HNRNPA3: variants seen among roughly 807,000 people sequenced by gnomAD.
HNRNPA3 encodes the protein heterogeneous nuclear ribonucleoprotein A3, also known as epididymis secretory sperm binding protein.
In HNRNPA3, 3 loss-of-function variants were observed where a neutral mutation model predicts 45.8. The observed-to-expected ratio is 0.07, with a 90% CI of 0.03 to 0.17. HNRNPA3 has a LOEUF of 0.17. HNRNPA3 is among the 10% of genes least tolerant of loss of function. HNRNPA3 has a pLI of 1.00. For missense variants in HNRNPA3, 183 were observed against 480.3 expected (o/e 0.38, Z 5.79); for synonymous variants, 170 against 155.6 (o/e 1.09, Z -0.69).
At chr2:177,217,010 CTTTTCT>C in intron 7 of HNRNPA3, 70 bp downstream of exon 7, 2 of 1,349,204 alleles carry the variant, frequency 1.5e-6, no homozygotes, top group Non-Finnish European at 9.9e-7. Context: ...ATTTATTACA[CTTTTCT>C]AATTTTAGTT....
chr2:177,220,120 T>C (rs1203447302), downstream of HNRNPA3: 1 of 152,646 alleles, frequency 6.6e-6, no homozygotes, highest in African/African-American at 2.4e-5. Context: ...TGAAAAAAAA[T>C]CTCAAAATTT....
intron 1 of HNRNPA3, among the ~76,000 whole-genome samples, chr2:177,214,549 A>T (rs1277330575): frequency 6.6e-6 from 1 of 152,216 alleles, no homozygotes; most frequent in African/African-American, 2.4e-5. Context: ...TAATTCTAGC[A>T]CTTTGGGAGG....
intron 1 of HNRNPA3, among the ~76,000 whole-genome samples, chr2:177,215,020 G>T (rs1428414627): frequency 1.3e-5 from 2 of 152,182 alleles, no homozygotes; most frequent in African/African-American, 4.8e-5. Flanking sequence ...AGTGATGCTG[G>T]CATTTGAAAG....
chr2:177,216,470 CTTT>C (rs752044239), intron 4 of HNRNPA3, 30 bp from the exon 5 acceptor site: 4 of 1,500,926 alleles, frequency 2.7e-6, no homozygotes, highest in South Asian at 1.1e-5. Flanking sequence ...CATAAAATAA[CTTT>C]TTGTTTTGTT....
At chr2:177,218,913 G>C in intron 8 of HNRNPA3, 124 bp from the exon 9 acceptor site, 1 of 1,158,964 alleles carries the variant, frequency 8.6e-7, no homozygotes, top group South Asian at 1.6e-5. Context: ...ACCCCAAGTG[G>C]TGCTACCACA....
chr2:177,215,148 G>GC (rs1041023768), intron 1 of HNRNPA3, among the ~76,000 whole-genome samples: 2 of 152,080 alleles, frequency 1.3e-5, no homozygotes, highest in Non-Finnish European at 2.9e-5. Context: ...TATGGCCCAG[G>GC]CTGGAGTGTA....
chr2:177,214,731 G>C lies in HNRNPA3; in HGVS notation c.73-808G>C, dbSNP rs1406578895. ...AATGGCGTGAACCCGGGAGGCGGAG[G>C]TTGCAGTGAGCCGAGATCGCGCCAC... On this transcript the variant is annotated intron_variant, in intron 1 of 10. Transcript: ENST00000392524. 3.3e-5 allele frequency among the ~76,000 whole-genome samples: 5 copies of C among 152,192 alleles called. 1 individual carries two copies. In the East Asian group the frequency reaches 9.6e-4, roughly 29 times the overall value.
chr2:177,215,732 A>G lies in HNRNPA3; in HGVS notation c.196-18A>G, dbSNP rs1358568299. ...CGGTGGAGGTGTTTTCAACGTTATA[A>G]AACTTTTTATTTTGTAGGTAATGAG... On this transcript the variant is annotated intron_variant, in intron 2 of 10. Coordinates refer to ENST00000392524, the Ensembl canonical transcript of HNRNPA3. The G allele has an allele frequency of 1.2e-6, 2 of 1,610,838 alleles. No homozygotes were observed. Among genetic ancestry groups the G allele is most frequent in the Admixed American group, 1.7e-5 (1 of 59,154 alleles).
chr2:177,218,052 C>CTTTTTTTTTTTTTTTT lies in HNRNPA3; in HGVS notation c.961+219_961+234dup, dbSNP rs58476089. 3.4e-4 allele frequency among the ~76,000 whole-genome samples: 35 copies of CTTTTTTTTTTTTTTTT among 102,172 alleles called. 2 individuals are homozygous for CTTTTTTTTTTTTTTTT. Among genetic ancestry groups the CTTTTTTTTTTTTTTTT allele is most frequent in the African/African-American group, 1.3e-3 (32 of 25,044 alleles). 67.0% of individuals were successfully genotyped at this position (102,172 alleles called of 152,430 possible). ...ACAAATGTACTCAGCTCTCTTTTTTCTTTTTTTTTTTTTTTTTTTTTTTTT... is the reference window on the plus strand; with the variant it reads ...ACAAATGTACTCAGCTCTCTTTTTTCTTTTTTTTTTTTTTTTTTTTTTTTTTTTTTTTTTTTTTTTT... On this transcript the variant is annotated intron_variant, in intron 8 of 10. Transcript: ENST00000392524.
intron 4 of HNRNPA3, 117 bp from the exon 5 acceptor site, chr2:177,216,386 C>T (rs1688936736): frequency 1.2e-5 from 9 of 769,892 alleles, no homozygotes; most frequent in Non-Finnish European, 4.2e-6. Flanking sequence ...CCTTCATTAC[C>T]AGAGTCACTA....
exon 3 of HNRNPA3, chr2:177,215,781 G>A: frequency 6.2e-7 from 1 of 1,609,208 alleles, no homozygotes; most frequent in Non-Finnish European, 8.5e-7. Flanking sequence ...AAACGTTCCA[G>A]GGGCTTTGGT....
At chr2:177,221,277 C>G (rs1476065758), downstream of HNRNPA3, 1 of 152,500 alleles carries the variant, frequency 6.6e-6, no homozygotes, top group African/African-American at 2.4e-5. Flanking sequence ...ATAACTTAAA[C>G]CTGGGTACCT....
chr2:177,222,378 G>A (rs1689218150), downstream of HNRNPA3: 2 of 152,252 alleles, frequency 1.3e-5, no homozygotes, highest in South Asian at 4.1e-4. Context: ...CATTTTTTGT[G>A]TCTTCAGGGT....
At chr2:177,221,595 G>T (rs564953948), downstream of HNRNPA3, 1 of 152,744 alleles carries the variant, frequency 6.5e-6, no homozygotes, top group South Asian at 2.1e-4. Flanking sequence ...TAGCTCTTGT[G>T]AACAGTGTGG....
intron 8 of HNRNPA3, among the ~76,000 whole-genome samples, chr2:177,218,065 T>TTTTC (rs1689031707): frequency 2.1e-5 from 3 of 140,600 alleles, no homozygotes; most frequent in Non-Finnish European, 4.6e-5. Flanking sequence ...TTTTTTTTTT[T>TTTTC]TTTTTTTTTT....
downstream of HNRNPA3, chr2:177,221,147 C>T (rs993836842): frequency 6.6e-6 from 1 of 152,606 alleles, no homozygotes; most frequent in Admixed American, 6.5e-5. Context: ...ATGTAACAGA[C>T]ATTCCATTTG....
intron 8 of HNRNPA3, 64 bp downstream of exon 8, chr2:177,217,909 CAT>C (rs1689014723): frequency 2.9e-6 from 4 of 1,390,078 alleles, no homozygotes; most frequent in South Asian, 1.4e-5. Context: ...TCCCATGACA[CAT>C]ATTTGGAAAG....
intron 8 of HNRNPA3, among the ~76,000 whole-genome samples, chr2:177,218,407 C>G (rs1055898656): frequency 6.6e-6 from 1 of 152,094 alleles, no homozygotes; most frequent in Non-Finnish European, 1.5e-5. Context: ...GGACATTTAC[C>G]AGTATTCAGT....
At chr2:177,223,792 C>T (rs1265244583), downstream of HNRNPA3, 1 of 152,184 alleles carries the variant, frequency 6.6e-6, no homozygotes, top group East Asian at 1.9e-4. Context: ...TCAGATGTTT[C>T]ATTTGTAGTA....
Sources: allele counts gnomAD v4.1 joint callset (sites outside exome capture counted in the v4.1 genomes callset), GRCh38; gene constraint gnomAD v4.1.1; transcripts MANE v1.5; gene names NCBI Gene and HGNC (gene_info 2026-07-23, HGNC 2026-07-21).